The following NPC1 variants were observed in gnomAD, a reference collection of about 807,000 sequenced individuals.
NPC1 encodes Niemann-Pick C1 protein.
NPC1 carries 85 observed loss-of-function variants against 140.4 expected under a neutral mutation model. That is an observed-to-expected ratio of 0.61 (90% CI 0.51 to 0.72). NPC1 has a LOEUF of 0.72. Ranked by LOEUF, NPC1 falls within the 30% of genes least tolerant of loss-of-function variation. The pLI is 0.00. For missense variants in NPC1, 1,504 were observed against 1,623.8 expected (o/e 0.93, Z 1.27); for synonymous variants, 656 against 624.8 (o/e 1.05, Z -0.74).
chr18:23,515,351 G>A (rs1044680888), intron 3 of NPC1, among the ~76,000 whole-genome samples: 2 of 152,182 alleles, frequency 1.3e-5, no homozygotes, highest in Non-Finnish European at 2.9e-5. Context: ...AGTGATGCCT[G>A]CCTCTCAGTC....
chr18:23,529,390 T>A, downstream of NPC1: 1 of 1,494,170 alleles, frequency 6.7e-7, no homozygotes, highest in Non-Finnish European at 8.9e-7. Flanking sequence ...TTAGAGTCAC[T>A]TGAAGTGATT....
rs746398811 is a variant in NPC1 at position 23,539,872 on chromosome 18, T to C, written c.2734A>G (p.Met912Val). ...ACCAGGGAATCATTGTTGCAGCCCA[T>C]GCCGCCGCACACCATGTTCTGCCCC... ...SKGQNMVCGG[M>V]GCNNDSLVQQ... The change falls in exon 18 of 25, where the codon ATG becomes GTG. Residue 912 changes from methionine to valine, a missense_variant. Transcript: ENST00000269228. 1.2e-6 allele frequency: 2 copies of C among 1,614,220 alleles called. No individual in the cohort carries two copies. Among genetic ancestry groups the C allele is most frequent in the South Asian group, 1.1e-5 (1 of 91,090 alleles).
At chr18:23,530,657 A>C (rs779050543), downstream of NPC1, 18 of 1,572,884 alleles carry the variant, frequency 1.1e-5, no homozygotes, top group African/African-American at 2.7e-5. Context: ...AGCCTCAAAG[A>C]GTAGCAGAGG....
chr18:23,506,344 C>G (rs2057716336), exon 4 of NPC1: 1 of 151,994 alleles, frequency 6.6e-6, no homozygotes, highest in Non-Finnish European at 1.5e-5. Context: ...TCCTTGGGCC[C>G]TTCTGTAATC....
At chr18:23,519,041 G>A (rs1207454039), downstream of NPC1, 3 of 1,612,982 alleles carry the variant, frequency 1.9e-6, no homozygotes, top group Non-Finnish European at 2.5e-6. Flanking sequence ...GCAGCTTGTT[G>A]ATCTGTTTTT....
At chr18:23,572,044 C>T in intron 3 of NPC1, 30 bp downstream of exon 3, 1 of 1,421,596 alleles carries the variant, frequency 7.0e-7, no homozygotes, top group Non-Finnish European at 9.9e-7. Context: ...ATCTACAGCC[C>T]AGTTGTTCTG....
intron 10 of NPC1, among the ~76,000 whole-genome samples, chr18:23,549,651 T>TA (rs2058838628): frequency 6.8e-6 from 1 of 147,402 alleles, no homozygotes; most frequent in South Asian, 2.2e-4. Flanking sequence ...AAAAATAAAA[T>TA]AAAAACCTTT....
At chr18:23,549,520 T>TC (rs2058836312) in intron 10 of NPC1, among the ~76,000 whole-genome samples, 1 of 151,892 alleles carries the variant, frequency 6.6e-6, no homozygotes, top group Non-Finnish European at 1.5e-5. Flanking sequence ...ATGCCTGTAA[T>TC]CCCAGCTACT....
intron 4 of NPC1, among the ~76,000 whole-genome samples, chr18:23,563,007 A>T (rs1029561816): frequency 6.6e-6 from 1 of 152,158 alleles, no homozygotes; most frequent in Non-Finnish European, 1.5e-5. Context: ...CCTCAAAAGA[A>T]ATCCTGTATT....
chr18:23,515,815 G>A (rs773905725), intron 3 of NPC1: 11 of 1,611,616 alleles, frequency 6.8e-6, no homozygotes, highest in Middle Eastern at 1.6e-4. Flanking sequence ...TTAGTTTGCC[G>A]TTTTTTAAAT....
chr18:23,544,489 A>G lies in NPC1; in HGVS notation c.1985T>C (p.Leu662Ser). ...SKVSLGIAGI[L>S]IVLSSVACSL... ...GCAAGCCACCGAGCTCAGCACGATC[A>G]AGATGCCCGCGATGCCTAGTGAGAC... Residue 662 changes from leucine (L) to serine (S), a missense_variant, in exon 13 of 25, where the codon TTG becomes TCG. Transcript: ENST00000269228. 1 of 1,614,242 alleles carries G rather than the reference A, an allele frequency of 6.2e-7. No homozygotes were observed. Among genetic ancestry groups the G allele is most frequent in the East Asian group, 2.2e-5 (1 of 44,896 alleles).
chr18:23,544,661 A>G, intron 12 of NPC1, 135 bp from the exon 13 acceptor site: 2 of 871,912 alleles, frequency 2.3e-6, no homozygotes, highest in Admixed American at 2.0e-5. Flanking sequence ...TGTTTCAGAG[A>G]GGACTTGTAA....
chr18:23,550,620 C>T (rs1005914109), intron 10 of NPC1, among the ~76,000 whole-genome samples: 4 of 151,210 alleles, frequency 2.6e-5, no homozygotes, highest in Admixed American at 6.6e-5. Context: ...TAGCTGGGAC[C>T]ACAGGCACCT....
chr18:23,586,044 G>A (rs1296421386), intron 1 of NPC1, among the ~76,000 whole-genome samples: 1 of 152,164 alleles, frequency 6.6e-6, no homozygotes, highest in Non-Finnish European at 1.5e-5. Flanking sequence ...GAAATTAGGT[G>A]ACCACAGATG....
chr18:23,569,797 C>T (rs1258941811), intron 3 of NPC1, among the ~76,000 whole-genome samples: 1 of 152,194 alleles, frequency 6.6e-6, no homozygotes, highest in Non-Finnish European at 1.5e-5. Context: ...TGGCTGCATG[C>T]ACTTCAGGAG....
intron 14 of NPC1, 88 bp downstream of exon 14, chr18:23,543,367 A>G: frequency 1.3e-6 from 1 of 757,984 alleles, no homozygotes; most frequent in South Asian, 1.5e-5. Context: ...AAAAGGAAGC[A>G]ACACAAAGGG....
chr18:23,536,267 C>A (rs897203305), intron 21 of NPC1, among the ~76,000 whole-genome samples: 3 of 152,136 alleles, frequency 2.0e-5, no homozygotes, highest in African/African-American at 2.4e-5. Flanking sequence ...GGAAAAAAAA[C>A]CCCTAACAAT....
At chr18:23,572,669 C>CCAGA (rs2059220532) in intron 2 of NPC1, among the ~76,000 whole-genome samples, 1 of 151,462 alleles carries the variant, frequency 6.6e-6, no homozygotes, top group Admixed American at 6.6e-5. Flanking sequence ...CCCCATCTCC[C>CCAGA]CAAATTTTTA....
At position 23,541,093 on chromosome 18, in the gene NPC1, A is replaced by G; in HGVS notation, c.2489T>C (p.Leu830Pro). 3 of 1,614,232 alleles carry G rather than the reference A, an allele frequency of 1.9e-6. No individual in the cohort carries two copies. Among genetic ancestry groups the G allele is most frequent in the Non-Finnish European group, 2.5e-6 (3 of 1,180,030 alleles). The change falls in exon 16 of 25, where the codon CTA becomes CCA. Residue 830 changes from leucine (L) to proline (P), a missense_variant. Coordinates refer to ENST00000269228, the MANE Select transcript of NPC1 (RefSeq NM_000271.5). ...FFKNSYSPLL[L>P]KDWMRPIVIA... The stretch of plus-strand genomic sequence containing the variant: ...CACAATTGGTCTCATCCAGTCCTTT[A>G]GCAGAAGTGGAGAATAGGAGTTTTT...
Sources: gnomAD v4.1 joint callset for allele counts (sites outside exome capture counted in the v4.1 genomes callset) on GRCh38, gnomAD v4.1.1 for gene constraint, MANE v1.5 for transcripts, NCBI Gene and HGNC (gene_info 2026-07-23, HGNC 2026-07-21) for gene names.